DIS3L2: variants seen among roughly 807,000 people sequenced by gnomAD.
The protein encoded by DIS3L2 is DIS3-like exonuclease 2.
Under a neutral mutation model 97.5 loss-of-function variants are expected in DIS3L2, and 34 were observed. That is an observed-to-expected ratio of 0.35 (90% CI 0.27 to 0.46). The LOEUF is 0.46. Among genes scored for constraint, DIS3L2 ranks in the 20% least tolerant of loss-of-function variants. The pLI is 1.00. For missense variants in DIS3L2, 1,038 were observed against 1,146.0 expected (o/e 0.91, Z 1.36); for synonymous variants, 435 against 445.2 (o/e 0.98, Z 0.29).
At chr2:232,166,268 AG>A (rs1690812486) in intron 9 of DIS3L2, among the ~76,000 whole-genome samples, 1 of 152,106 alleles carries the variant, frequency 6.6e-6, no homozygotes, top group Non-Finnish European at 1.5e-5. Flanking sequence ...AAGGGAAAAA[AG>A]AAAAGAAACC....
chr2:231,971,755 T>C (rs1197902936), intron 1 of DIS3L2, among the ~76,000 whole-genome samples: 1 of 151,804 alleles, frequency 6.6e-6, no homozygotes, highest in Non-Finnish European at 1.5e-5. Flanking sequence ...CCAGTTTTTG[T>C]ATTTTTAGTA....
At chr2:232,271,048 C>G (rs919291667) in intron 13 of DIS3L2, among the ~76,000 whole-genome samples, 7 of 152,148 alleles carry the variant, frequency 4.6e-5, no homozygotes, top group Non-Finnish European at 7.4e-5. Context: ...ACAAAGAGCT[C>G]AATGTGTCAC....
chr2:232,000,876 T>TG (rs986810566), intron 1 of DIS3L2, among the ~76,000 whole-genome samples: 11 of 151,500 alleles, frequency 7.3e-5, no homozygotes, highest in East Asian at 1.9e-4. Context: ...TTCCTTTTTT[T>TG]TTTGTTTGTT....
chr2:232,327,107 C>G (rs1695599369), intron 14 of DIS3L2, among the ~76,000 whole-genome samples: 1 of 152,224 alleles, frequency 6.6e-6, no homozygotes, highest in South Asian at 2.1e-4. Flanking sequence ...AGGAGCCTGG[C>G]TCAGCCCTGA....
At chr2:232,102,752 C>T (rs759204743) in intron 6 of DIS3L2, among the ~76,000 whole-genome samples, 1 of 152,140 alleles carries the variant, frequency 6.6e-6, no homozygotes, top group Non-Finnish European at 1.5e-5. Context: ...CTATGTTCTA[C>T]AGTTCGGTGT....
At chr2:232,314,851 A>G (rs1236173956) in intron 14 of DIS3L2, among the ~76,000 whole-genome samples, 2 of 152,226 alleles carry the variant, frequency 1.3e-5, no homozygotes, top group South Asian at 4.1e-4. Flanking sequence ...GCACATGAAG[A>G]TGTGTTCTTA....
intron 9 of DIS3L2, chr2:232,198,583 G>A (rs1363135986): frequency 6.6e-6 from 1 of 152,240 alleles, no homozygotes; most frequent in African/African-American, 2.4e-5. Context: ...GCTTCGGATA[G>A]AGAGACTTTC....
rs969509323 is a variant in DIS3L2 at position 232,141,627 on chromosome 2, G to T, written c.950+4908G>T. On this transcript the variant is annotated intron_variant, in intron 8 of 20. Coordinates refer to ENST00000325385, the MANE Select transcript of DIS3L2 (RefSeq NM_152383.5). Reference sequence around the variant, plus strand: ...CTTTAATGAGTGTGAAGGACAGCAGGTTCCATTGGAGCAGATGACGGAGTG... The same window carrying T: ...CTTTAATGAGTGTGAAGGACAGCAGTTTCCATTGGAGCAGATGACGGAGTG... 2.0e-5 allele frequency among the ~76,000 whole-genome samples: 3 copies of T among 152,244 alleles called. No individual in the cohort carries two copies. In the South Asian group the frequency reaches 6.2e-4, roughly 32 times the overall value.
At chr2:232,098,915 G>A (rs1395953974) in intron 6 of DIS3L2, among the ~76,000 whole-genome samples, 2 of 151,794 alleles carry the variant, frequency 1.3e-5, no homozygotes, top group East Asian at 1.9e-4. Flanking sequence ...ACACTTTATG[G>A]GTTTTTAAGT....
chr2:232,120,881 G>T (rs543897660), intron 6 of DIS3L2, among the ~76,000 whole-genome samples: 1 of 152,112 alleles, frequency 6.6e-6, no homozygotes, highest in Middle Eastern at 3.4e-3. Flanking sequence ...CTGGGTTCTG[G>T]ATCACATCCC....
At chr2:232,185,671 C>G (rs1262893352) in intron 9 of DIS3L2, among the ~76,000 whole-genome samples, 1 of 151,940 alleles carries the variant, frequency 6.6e-6, no homozygotes, top group Non-Finnish European at 1.5e-5. Context: ...CTCGTCTCTA[C>G]TAAAAAAATA....
chr2:231,963,431 T>A (rs1403965118), intron 1 of DIS3L2, among the ~76,000 whole-genome samples: 1 of 152,352 alleles, frequency 6.6e-6, no homozygotes, highest in Non-Finnish European at 1.5e-5. Context: ...TGGCCATTTT[T>A]AAAAATGGGC....
intron 6 of DIS3L2, among the ~76,000 whole-genome samples, chr2:232,089,424 TC>T (rs1231490294): frequency 2.6e-5 from 4 of 152,210 alleles, no homozygotes; most frequent in Non-Finnish European, 5.9e-5. Flanking sequence ...TTGCGATTTT[TC>T]TACTTTCTTT....
At chr2:232,149,319 G>T (rs1294528555) in intron 8 of DIS3L2, among the ~76,000 whole-genome samples, 58 of 142,564 alleles carry the variant, frequency 4.1e-4, no homozygotes, top group Admixed American at 9.1e-4. Context: ...CTAGCATTAG[G>T]TATATCTCCC....
chr2:232,113,732 G>A (rs1697613632), intron 6 of DIS3L2, among the ~76,000 whole-genome samples: 2 of 152,190 alleles, frequency 1.3e-5, no homozygotes, highest in South Asian at 4.1e-4. Context: ...CTGGGAGTGG[G>A]CTGAACCAGC....
chr2:232,148,726 T>C (rs1690297598), intron 8 of DIS3L2, among the ~76,000 whole-genome samples: 1 of 150,128 alleles, frequency 6.7e-6, no homozygotes, highest in South Asian at 2.1e-4. Flanking sequence ...ATGAAAAATT[T>C]TTTTTCTCCT....
At chr2:232,340,548 G>A (rs1229481040), downstream of DIS3L2, among the ~76,000 whole-genome samples, 6 of 152,312 alleles carry the variant, frequency 3.9e-5, no homozygotes, top group Middle Eastern at 3.4e-3. Context: ...CTGTTCAGGG[G>A]GATGTGTGGC....
downstream of DIS3L2, chr2:232,339,589 G>A: frequency 2.5e-6 from 1 of 392,944 alleles, no homozygotes; most frequent in Non-Finnish European, 5.3e-6. Context: ...GACAGGTTGG[G>A]CTCCTTTGTG....
chr2:232,172,591 C>G, intron 9 of DIS3L2: 1 of 454,322 alleles, frequency 2.2e-6, no homozygotes, highest in Non-Finnish European at 4.7e-6. Flanking sequence ...AATAATGCTG[C>G]TATGAATATT....
Sources: gnomAD v4.1 joint callset for allele counts (sites outside exome capture counted in the v4.1 genomes callset) on GRCh38, gnomAD v4.1.1 for gene constraint, MANE v1.5 for transcripts, NCBI Gene and HGNC (gene_info 2026-07-23, HGNC 2026-07-21) for gene names.